Variants in BANP observed in about 807,000 individuals in gnomAD.
BANP encodes BTG3 associated nuclear protein, also known as protein BANP.
Under a neutral mutation model 68.1 loss-of-function variants are expected in BANP, and 11 were observed. The ratio of observed to expected loss-of-function variants is 0.16; its 90% CI spans 0.10 to 0.27. The LOEUF is 0.27. BANP is among the 10% of genes least tolerant of loss of function. The pLI, the probability that BANP is intolerant of heterozygous loss-of-function variation, is 1.00. For missense variants in BANP, 504 were observed against 722.7 expected, an observed-to-expected ratio of 0.70 and a Z score of 3.47; for synonymous variants, 329 against 303.2, an observed-to-expected ratio of 1.09 and a Z score of -0.88.
At chr16:88,033,837 C>G (rs998663718) in intron 9 of BANP, among the ~76,000 whole-genome samples, 1 of 152,172 alleles carries the variant, frequency 6.6e-6, no homozygotes, top group Non-Finnish European at 1.5e-5. Flanking sequence ...GGGGCTTGCT[C>G]CCGGGTGAAG....
intron 1 of BANP, among the ~76,000 whole-genome samples, chr16:87,958,143 G>C (rs1317885991): frequency 6.6e-6 from 1 of 152,184 alleles, no homozygotes; most frequent in African/African-American, 2.4e-5. Context: ...TTGTGGTGTA[G>C]GTCATGTTAG....
At chr16:88,014,569 C>T (rs1314702613) in intron 6 of BANP, among the ~76,000 whole-genome samples, 1 of 152,050 alleles carries the variant, frequency 6.6e-6, no homozygotes, top group African/African-American at 2.4e-5. Flanking sequence ...ATTATCTCAC[C>T]ACAGAGAGCT....
chr16:87,962,395 A>T (rs1465947267), intron 1 of BANP, among the ~76,000 whole-genome samples: 3 of 152,178 alleles, frequency 2.0e-5, no homozygotes, highest in Admixed American at 2.0e-4. Flanking sequence ...AAATATTCAA[A>T]CATTTTTTGT....
chr16:87,957,816 T>G lies in BANP; in HGVS notation c.-69+6301T>G, dbSNP rs2058390729. Among the ~76,000 whole-genome samples the G allele has an allele frequency of 6.6e-6, 1 of 152,108 alleles. No homozygotes were observed. The highest frequency in any genetic ancestry group is 6.6e-5 in the Admixed American group (1 of 15,264). On this transcript the variant is annotated intron_variant, in intron 1 of 13. Coordinates refer to ENST00000682872, the MANE Select transcript of BANP (RefSeq NM_001386991.1). The surrounding 1 kb of genome is among the most constrained non-coding windows in gnomAD (Gnocchi z 4.3). ...TGACGCGGGGGGAATTGGGCCACGGTCCCTGCTGTCATCATGGCATGCTGC... is the reference window on the plus strand; with the variant it reads ...TGACGCGGGGGGAATTGGGCCACGGGCCCTGCTGTCATCATGGCATGCTGC...
chr16:87,962,139 C>G (rs1325366895), intron 1 of BANP, among the ~76,000 whole-genome samples: 1 of 149,612 alleles, frequency 6.7e-6, no homozygotes, highest in African/African-American at 2.5e-5. Context: ...ACTCTGGAGG[C>G]TGAGGCAGGA....
chr16:88,039,494 C>T (rs1415329214), intron 11 of BANP, among the ~76,000 whole-genome samples: 9 of 144,938 alleles, frequency 6.2e-5, no homozygotes, highest in South Asian at 2.3e-4. Context: ...CGCTGCTGGA[C>T]GTTTAATTCC....
At chr16:87,983,065 G>A (rs1465563543) in intron 3 of BANP, among the ~76,000 whole-genome samples, 1 of 152,006 alleles carries the variant, frequency 6.6e-6, no homozygotes, top group African/African-American at 2.4e-5. Context: ...CTGCTGTCTC[G>A]AGCCTACCTC....
rs1382808791 is a variant in BANP at position 88,076,886 on chromosome 16, G to C, written c.*225G>C. ...CGTTTGAGTCCTGCTGTTGGTGTCG[G>C]AGCACGAGGGGAGGCACGGTGCGGA... On this transcript the variant is annotated 3_prime_UTR_variant, in exon 14 of 14. Transcript: ENST00000682872. The C allele has an allele frequency of 5.0e-5, 27 of 541,554 alleles. No individual in the cohort carries two copies. The East Asian group carries it at 8.3e-4, about 17-fold the overall frequency. The allele number at this position is 541,554 out of a possible 1,614,324, so 33.5% of individuals were successfully genotyped here. A position where few individuals can be genotyped will look rare whatever the true frequency, so the allele number is the denominator to read the frequency against.
intron 2 of BANP, among the ~76,000 whole-genome samples, chr16:87,977,414 G>A (rs887432625): frequency 5.0e-4 from 58 of 115,924 alleles, no homozygotes; most frequent in African/African-American, 1.3e-3. Flanking sequence ...GCGAGACTCC[G>A]TCTCAAAAAA....
rs1307117226 is a variant in BANP at position 88,019,335 on chromosome 16, C to G, written c.895+668C>G. 3.9e-5 allele frequency among the ~76,000 whole-genome samples: 6 copies of G among 152,086 alleles called. No homozygotes were observed. The East Asian group carries it at 9.7e-4, about 24-fold the overall frequency. ...AGAGCCCGTCTGCTTCAGAAGCCGT[C>G]CTCCTGGCTTCTAACGAAGATGTAA... On this transcript the variant is annotated intron_variant, in intron 7 of 13. Transcript: ENST00000682872.
chr16:87,980,255 C>T (rs2062997238), intron 2 of BANP, among the ~76,000 whole-genome samples: 1 of 152,202 alleles, frequency 6.6e-6, no homozygotes, highest in African/African-American at 2.4e-5. Context: ...AAAAAATTGA[C>T]TAGGTCTAAG....
Position 88,055,476 on chromosome 16 carries a change from C to T in BANP, c.1312-9791C>T, listed in dbSNP as rs184591557. Reference sequence around the variant, plus strand: ...TTTTCAGCTTCTCTCCCATCTTTGGCATTTGTATTCCTCCTGATACTTCGC... The same window carrying T: ...TTTTCAGCTTCTCTCCCATCTTTGGTATTTGTATTCCTCCTGATACTTCGC... On this transcript the variant is annotated intron_variant, in intron 11 of 13. Coordinates refer to ENST00000682872, the MANE Select transcript of BANP (RefSeq NM_001386991.1). Among the ~76,000 whole-genome samples the T allele has an allele frequency of 8.5e-5, 13 of 152,308 alleles. No homozygotes were observed. The East Asian group carries it at 9.6e-4, about 11-fold the overall frequency.
intron 2 of BANP, chr16:87,978,311 C>A: frequency 4.5e-6 from 1 of 224,624 alleles, no homozygotes; most frequent in South Asian, 5.7e-5. Flanking sequence ...GCACGCCTCT[C>A]TTCTGCTGTT....
rs144252503 is a variant in BANP, at chr16:88,072,845, G to A, written c.1521+633G>A. On this transcript the variant is annotated intron_variant, in intron 13 of 13. Coordinates refer to ENST00000682872, the MANE Select transcript of BANP (RefSeq NM_001386991.1). ...TGCATCCGGGAGCAGTCTTGGCCCC[G>A]CAGCCTCCGTGCCACCTGCTTTGGG... Among the ~76,000 whole-genome samples the A allele has an allele frequency of 5.9e-5, 9 of 152,306 alleles. No homozygotes were observed. In the East Asian group the frequency reaches 1.2e-3, roughly 20 times the overall value.
intron 1 of BANP, among the ~76,000 whole-genome samples, chr16:87,974,826 C>T (rs532430015): frequency 2.0e-5 from 3 of 152,200 alleles, no homozygotes; most frequent in South Asian, 2.1e-4. Context: ...CCGGGTGGCT[C>T]GTCCAGTGGT....
At position 88,035,346 on chromosome 16, in the gene BANP, C is replaced by G; in HGVS notation, c.1224C>G (p.Ile408Met). 1 of 1,611,566 alleles carries G rather than the reference C, an allele frequency of 6.2e-7. No individual in the cohort carries two copies. Among genetic ancestry groups the G allele is most frequent in the Non-Finnish European group, 8.5e-7 (1 of 1,179,226 alleles). The change falls in exon 10 of 14, where the codon ATC (isoleucine) becomes ATG (methionine). Residue 408 changes from isoleucine to methionine, a missense_variant. Coordinates refer to ENST00000682872, the MANE Select transcript of BANP (RefSeq NM_001386991.1). Reference sequence around the variant, plus strand: ...GGATCCCACAGGGACACCTCCACATCGCCCAGGTGCCGCAGGGGGAGCAAG... The same window carrying G: ...GGATCCCACAGGGACACCTCCACATGGCCCAGGTGCCGCAGGGGGAGCAAG... ...VQVIPQGHLHIAQVPQGEQVQ... is the reference protein window; with the variant it reads ...VQVIPQGHLHMAQVPQGEQVQ...
intron 7 of BANP, among the ~76,000 whole-genome samples, chr16:88,026,116 C>T (rs1048197766): frequency 6.6e-6 from 1 of 152,256 alleles, no homozygotes; most frequent in African/African-American, 2.4e-5. Context: ...CTGGATGCTG[C>T]TCAGGGCGTG....
In BANP at chr16:88,071,452, T is replaced by TG. The variant is rs2090307050; in HGVS notation, c.1378-614dup. The TG allele has an allele frequency of 4.4e-6, 2 of 456,162 alleles. No individual in the cohort carries two copies. Among genetic ancestry groups the TG allele is most frequent in the African/African-American group, 2.0e-5 (1 of 50,082 alleles). The allele number at this position is 456,162 out of a possible 1,614,324, so 28.3% of individuals were successfully genotyped here. On this transcript the variant is annotated intron_variant, in intron 12 of 13. Coordinates refer to ENST00000682872, the MANE Select transcript of BANP (RefSeq NM_001386991.1). The surrounding 1 kb of genome is among the most constrained non-coding windows in gnomAD (Gnocchi z 6.5). ...TGTCCCCCATTCTCATTCCATACTC[T>TG]GGGAGGCGGTACAAGGTCGGGAGGG...
chr16:87,962,262 C>CAAAAAAAA (rs1251278007), intron 1 of BANP, among the ~76,000 whole-genome samples: 2 of 65,964 alleles, frequency 3.0e-5, no homozygotes, highest in African/African-American at 1.3e-4. Flanking sequence ...AAAAAGAAAG[C>CAAAAAAAA]ACATTTTTTT....
Sources: allele counts gnomAD v4.1 joint callset (sites outside exome capture counted in the v4.1 genomes callset), GRCh38; gene constraint gnomAD v4.1.1; non-coding constraint Gnocchi (gnomAD v3.1); transcripts MANE v1.5; gene names NCBI Gene and HGNC (gene_info 2026-07-23, HGNC 2026-07-21).